Variants in HS6ST3 observed in about 807,000 individuals in gnomAD.
HS6ST3 encodes heparan sulfate 6-O-sulfotransferase 3, also known as heparan-sulfate 6-O-sulfotransferase 3.
Under a neutral mutation model 36.7 loss-of-function variants are expected in HS6ST3, and 12 were observed. The ratio of observed to expected loss-of-function variants is 0.33; its 90% confidence interval spans 0.21 to 0.53. The LOEUF is 0.53. Ranked by LOEUF, HS6ST3 falls within the 20% of genes least tolerant of loss-of-function variation. HS6ST3 has a pLI of 0.95. For missense variants in HS6ST3, 584 were observed against 640.9 expected, an observed-to-expected ratio of 0.91 and a Z score of 0.96; for synonymous variants, 240 against 257.5, an observed-to-expected ratio of 0.93 and a Z score of 0.65.
chr13:96,767,066 T>G (rs929516900), intron 1 of HS6ST3, among the ~76,000 whole-genome samples: 4 of 152,216 alleles, frequency 2.6e-5, no homozygotes, highest in Non-Finnish European at 4.4e-5. Flanking sequence ...TTATGGTTAA[T>G]GAATAACTGT....
intron 1 of HS6ST3, among the ~76,000 whole-genome samples, chr13:96,201,591 G>A (rs1402737861): frequency 6.6e-6 from 1 of 152,076 alleles, no homozygotes; most frequent in Admixed American, 6.6e-5. Context: ...TATAATATGT[G>A]GTGTTAGCAC....
intron 1 of HS6ST3, among the ~76,000 whole-genome samples, chr13:96,093,733 C>T (rs2053776403): frequency 1.3e-5 from 2 of 152,050 alleles, no homozygotes; most frequent in African/African-American, 4.8e-5. Flanking sequence ...AAGTGCCCTG[C>T]ATCAAAAGCT....
intron 1 of HS6ST3, among the ~76,000 whole-genome samples, chr13:96,196,153 A>G (rs528735910): frequency 1.3e-5 from 2 of 152,240 alleles, no homozygotes; most frequent in South Asian, 4.1e-4. Flanking sequence ...CTGGGTCCGC[A>G]CATCAACTGC....
chr13:96,564,676 G>A (rs967118379), intron 1 of HS6ST3, among the ~76,000 whole-genome samples: 1 of 152,056 alleles, frequency 6.6e-6, no homozygotes, highest in Non-Finnish European at 1.5e-5. Context: ...TAGCAGAAAT[G>A]GCACATGATC....
chr13:96,559,132 A>T (rs2056252566), intron 1 of HS6ST3, among the ~76,000 whole-genome samples: 2 of 151,498 alleles, frequency 1.3e-5, no homozygotes, highest in Non-Finnish European at 2.9e-5. Flanking sequence ...CTATTTATTT[A>T]TTGAGACAGA....
At chr13:96,107,048 A>T (rs2053845002) in intron 1 of HS6ST3, among the ~76,000 whole-genome samples, 1 of 152,224 alleles carries the variant, frequency 6.6e-6, no homozygotes, top group South Asian at 2.1e-4. Context: ...CCCAGTGAGT[A>T]GCAAGGGAGT....
chr13:96,599,669 A>G (rs1594815585), intron 1 of HS6ST3, among the ~76,000 whole-genome samples: 1 of 150,786 alleles, frequency 6.6e-6, no homozygotes. Context: ...CTTTTCATCT[A>G]TTAGCTTTGG....
At chr13:96,294,370 G>A (rs2054844482) in intron 1 of HS6ST3, among the ~76,000 whole-genome samples, 1 of 152,118 alleles carries the variant, frequency 6.6e-6, no homozygotes, top group South Asian at 2.1e-4. Flanking sequence ...AAATAATTCA[G>A]CATAGCTGAA....
At chr13:96,444,986 G>C (rs2055691218) in intron 1 of HS6ST3, among the ~76,000 whole-genome samples, 1 of 152,128 alleles carries the variant, frequency 6.6e-6, no homozygotes. Context: ...AAAGCATAAT[G>C]TAAGTGGAAG....
chr13:96,645,662 G>C (rs1169048508), intron 1 of HS6ST3, among the ~76,000 whole-genome samples: 1 of 151,788 alleles, frequency 6.6e-6, no homozygotes, highest in Admixed American at 6.6e-5. Flanking sequence ...TATGAGCACT[G>C]TCTTAAGATA....
chr13:96,575,253 T>G (rs1191133625), intron 1 of HS6ST3, among the ~76,000 whole-genome samples: 3 of 152,124 alleles, frequency 2.0e-5, no homozygotes, highest in Non-Finnish European at 2.9e-5. Context: ...TGCTGAAGAA[T>G]GGAATGAAGA....
rs538163140 is a variant in HS6ST3, at chr13:96,609,170, CTG to C, written c.708-223316_708-223315del. Reference sequence around the variant, plus strand: ...TATTTTTAGTGGAGACGGGACTTCACTGTGTTAGCCAGGATGGTCTCGATCTC... The same window carrying C: ...TATTTTTAGTGGAGACGGGACTTCACTGTTAGCCAGGATGGTCTCGATCTC... On this transcript the variant is annotated intron_variant, in intron 1 of 1. Transcript: ENST00000376705. Among the ~76,000 whole-genome samples the C allele has an allele frequency of 3.2e-3, 483 of 152,146 alleles. 1 individual carries two copies. Among genetic ancestry groups the C allele is most frequent in the Non-Finnish European group, 4.4e-3 (302 of 68,008 alleles).
intron 1 of HS6ST3, among the ~76,000 whole-genome samples, chr13:96,480,993 A>G (rs1044034044): frequency 6.6e-6 from 1 of 152,248 alleles, no homozygotes; most frequent in Non-Finnish European, 1.5e-5. Flanking sequence ...GGTAAATCAT[A>G]ATGATTGATT....
Position 96,754,974 on chromosome 13 carries a change from G to T in HS6ST3, c.708-77516G>T, listed in dbSNP as rs28612535. 3.4e-4 allele frequency among the ~76,000 whole-genome samples: 52 copies of T among 151,944 alleles called. 2 individuals are homozygous for T. The East Asian group carries it at 9.3e-3, about 27-fold the overall frequency. ...TTCCTGATCATTTTATCTTATGTTG[G>T]TATATTTCCTTCTTACTTTCTTAAT... On this transcript the variant is annotated intron_variant, in intron 1 of 1. Transcript: ENST00000376705.
intron 1 of HS6ST3, among the ~76,000 whole-genome samples, chr13:96,289,800 AG>A (rs1291404981): frequency 6.6e-6 from 1 of 152,146 alleles, no homozygotes; most frequent in Non-Finnish European, 1.5e-5. Flanking sequence ...ATGTTTTCCA[AG>A]GAAGTAGAAT....
At chr13:96,382,992 A>G (rs1248346153) in intron 1 of HS6ST3, among the ~76,000 whole-genome samples, 1 of 152,216 alleles carries the variant, frequency 6.6e-6, no homozygotes, top group Non-Finnish European at 1.5e-5. Flanking sequence ...TATGTATAAT[A>G]GCATAAGCTT....
At chr13:96,463,290 A>G (rs1460301744) in intron 1 of HS6ST3, among the ~76,000 whole-genome samples, 1 of 152,206 alleles carries the variant, frequency 6.6e-6, no homozygotes, top group Non-Finnish European at 1.5e-5. Context: ...ACCACGGAGT[A>G]AAATGTAGAG....
At chr13:96,250,754 C>T (rs1383948696) in intron 1 of HS6ST3, among the ~76,000 whole-genome samples, 2 of 152,162 alleles carry the variant, frequency 1.3e-5, no homozygotes, top group South Asian at 2.1e-4. Flanking sequence ...ACCGGCAGTA[C>T]GTACCTTCTA....
At position 96,304,488 on chromosome 13, in the gene HS6ST3, G is replaced by A. The variant is rs139276286; in HGVS notation, c.707+212919G>A. On this transcript the variant is annotated intron_variant, in intron 1 of 1. Coordinates refer to ENST00000376705, the MANE Select transcript of HS6ST3 (RefSeq NM_153456.4). ...AATCAAGGGACCATCTAATGGAGAT[G>A]TGCCTTAGTTAATAGGAGTGACTGA... Among the ~76,000 whole-genome samples, 339 of 152,220 alleles carry A rather than the reference G, an allele frequency of 2.2e-3. 1 individual carries two copies. Among genetic ancestry groups the A allele is most frequent in the Admixed American group, 4.3e-3 (66 of 15,282 alleles).
Sources: allele counts gnomAD v4.1 joint callset (sites outside exome capture counted in the v4.1 genomes callset), GRCh38; gene constraint gnomAD v4.1.1; transcripts MANE v1.5; gene names NCBI Gene and HGNC (gene_info 2026-07-23, HGNC 2026-07-21).